The following SLC44A5 variants were observed in gnomAD, a reference collection of about 807,000 sequenced individuals.
SLC44A5 encodes solute carrier family 44 member 5, also known as choline transporter-like protein 5.
SLC44A5 carries 57 observed loss-of-function variants against 101.8 expected under a neutral mutation model. That is an observed-to-expected ratio of 0.56 (90% CI 0.45 to 0.70). The LOEUF (loss-of-function observed/expected upper bound fraction) is 0.70, where lower values mean the gene tolerates loss of function less well. Ranked by LOEUF, SLC44A5 falls within the 30% of genes least tolerant of loss-of-function variation. The probability of loss-of-function intolerance (pLI) is 0.00; values close to 1 mark genes in which losing one functional copy is unlikely to be tolerated. For missense variants in SLC44A5, 737 were observed against 853.1 expected (o/e 0.86, Z 1.70); for synonymous variants, 281 against 290.9 (o/e 0.97, Z 0.35).
At chr1:75,523,675 G>A (rs1476019137) in intron 2 of SLC44A5, among the ~76,000 whole-genome samples, 1 of 152,200 alleles carries the variant, frequency 6.6e-6, no homozygotes, top group African/African-American at 2.4e-5. Context: ...AGCTAGATGT[G>A]AAGGATGTTG....
At position 75,218,990 on chromosome 1, in the gene SLC44A5, G is replaced by GTGT. The variant is rs1647020340; in HGVS notation, c.1267-241_1267-239dup. Among the ~76,000 whole-genome samples the GTGT allele has an allele frequency of 3.3e-5, 5 of 152,180 alleles. No individual in the cohort carries two copies. In the East Asian group the frequency reaches 5.8e-4, roughly 18 times the overall value. ...ACCCACTATAATTTCACATTTATCAGTGTTGTTGTTGACCATACCTACTTT... is the reference window on the plus strand; with the variant it reads ...ACCCACTATAATTTCACATTTATCAGTGTTGTTGTTGTTGACCATACCTACTTT... On this transcript the variant is annotated intron_variant, in intron 16 of 23. Transcript: ENST00000370859.
intron 1 of SLC44A5, among the ~76,000 whole-genome samples, chr1:75,568,499 T>A (rs909856960): frequency 2.0e-5 from 3 of 152,184 alleles, no homozygotes; most frequent in Non-Finnish European, 4.4e-5. Flanking sequence ...CAGGCCTTTT[T>A]TTCTTTCTTA....
intron 11 of SLC44A5, among the ~76,000 whole-genome samples, chr1:75,236,632 C>T (rs1648109319): frequency 6.6e-6 from 1 of 152,014 alleles, no homozygotes; most frequent in Non-Finnish European, 1.5e-5. Context: ...GAGAAACAAT[C>T]CTGCCTCCAC....
the SLC44A5 span, among the ~76,000 whole-genome samples, chr1:75,675,769 C>T: frequency 2.2e-4 from 34 of 152,112 alleles, no homozygotes; most frequent in African/African-American, 8.0e-4. Context: ...GAACAGACAA[C>T]CTATAGAATG....
intron 5 of SLC44A5, among the ~76,000 whole-genome samples, chr1:75,282,845 G>C (rs1314539298): frequency 6.6e-6 from 1 of 152,144 alleles, no homozygotes; most frequent in East Asian, 1.9e-4. Context: ...ATGCTGAACT[G>C]TGAGTTAATT....
chr1:75,663,982 T>C, the SLC44A5 span, among the ~76,000 whole-genome samples: 76 of 152,180 alleles, frequency 5.0e-4, no homozygotes, highest in African/African-American at 1.7e-3. Flanking sequence ...GGTTCATTCC[T>C]GGGATGCAAG....
intron 5 of SLC44A5, among the ~76,000 whole-genome samples, chr1:75,291,873 G>A (rs569894867): frequency 1.2e-4 from 18 of 152,088 alleles, no homozygotes; most frequent in South Asian, 8.3e-4. Context: ...TTAGCCAGGC[G>A]TGGTGGCGGG....
At chr1:75,709,007 T>A in the SLC44A5 span, among the ~76,000 whole-genome samples, 1 of 152,208 alleles carries the variant, frequency 6.6e-6, no homozygotes, top group South Asian at 2.1e-4. Context: ...TTAGCTATTT[T>A]GGCTATGTTA....
At chr1:75,640,558 T>C in the SLC44A5 span, among the ~76,000 whole-genome samples, 1 of 152,102 alleles carries the variant, frequency 6.6e-6, no homozygotes, top group South Asian at 2.1e-4. Flanking sequence ...GGTAGTTCTT[T>C]CTGTACCTGT....
At chr1:75,308,059 T>A (rs890191967) in intron 4 of SLC44A5, among the ~76,000 whole-genome samples, 3 of 152,182 alleles carry the variant, frequency 2.0e-5, no homozygotes, top group African/African-American at 7.2e-5. Context: ...CATCCAACCA[T>A]TGAGAAAGAA....
chr1:75,261,848 A>G (rs994421884), intron 6 of SLC44A5, among the ~76,000 whole-genome samples: 7 of 151,872 alleles, frequency 4.6e-5, no homozygotes, highest in African/African-American at 1.7e-4. Context: ...CAGGGATGCA[A>G]AACAATAAAT....
intron 1 of SLC44A5, among the ~76,000 whole-genome samples, chr1:75,554,070 A>T (rs1390687055): frequency 2.0e-5 from 3 of 152,208 alleles, no homozygotes; most frequent in Non-Finnish European, 4.4e-5. Context: ...AGCATTTGAT[A>T]AAAGTGTATG....
chr1:75,243,720 T>C (rs1409423110), intron 7 of SLC44A5, among the ~76,000 whole-genome samples: 1 of 152,038 alleles, frequency 6.6e-6, no homozygotes, highest in African/African-American at 2.4e-5. Context: ...TGGTATAGTT[T>C]GGTTATTTGT....
intron 2 of SLC44A5, among the ~76,000 whole-genome samples, chr1:75,516,222 T>TTA (rs1669821285): frequency 1.3e-5 from 2 of 152,112 alleles, no homozygotes; most frequent in African/African-American, 4.8e-5. Flanking sequence ...TTCCCATAGA[T>TTA]AATAAACACA....
intron 2 of SLC44A5, among the ~76,000 whole-genome samples, chr1:75,444,776 T>C (rs948200501): frequency 6.6e-5 from 10 of 152,048 alleles, no homozygotes; most frequent in African/African-American, 1.7e-4. Flanking sequence ...GCAGTCCACT[T>C]GTTTTAGCAG....
chr1:75,270,585 G>T (rs778868626), intron 6 of SLC44A5, among the ~76,000 whole-genome samples: 1 of 152,022 alleles, frequency 6.6e-6, no homozygotes, highest in African/African-American at 2.4e-5. Flanking sequence ...AGAAATATTG[G>T]AGAATGTTAT....
chr1:75,420,479 AT>A (rs1283457299), intron 2 of SLC44A5, among the ~76,000 whole-genome samples: 2 of 152,194 alleles, frequency 1.3e-5, no homozygotes, highest in Non-Finnish European at 1.5e-5. Flanking sequence ...TGATAATTAG[AT>A]TAAAAGTAAA....
At chr1:75,596,231 G>A (rs890740880) in intron 1 of SLC44A5, among the ~76,000 whole-genome samples, 1 of 147,318 alleles carries the variant, frequency 6.8e-6, no homozygotes, top group Non-Finnish European at 1.5e-5. Context: ...CACACACAAT[G>A]TAATGTTCAC....
At position 75,211,560 on chromosome 1, in the gene SLC44A5, TGGATGAAGAAGAGAACCAACATG is replaced by T; in HGVS notation, c.1963-31_1963-9del. 6.3e-7 allele frequency: 1 copy of T among 1,598,676 alleles called. No homozygotes were observed. Among genetic ancestry groups the T allele is most frequent in the Non-Finnish European group, 8.6e-7 (1 of 1,166,828 alleles). Reference sequence around the variant, plus strand: ...AGACCCAAAAATGACTGTCTGTAAATGGATGAAGAAGAGAACCAACATGTCATTTACTTTGACCAGAAGAAGAA... The same window carrying T: ...AGACCCAAAAATGACTGTCTGTAAATTCATTTACTTTGACCAGAAGAAGAA... On this transcript the variant is annotated splice_polypyrimidine_tract_variant and intron_variant, in intron 22 of 23. Transcript: ENST00000370859.
Sources: allele counts gnomAD v4.1 joint callset (sites outside exome capture counted in the v4.1 genomes callset), GRCh38; gene constraint gnomAD v4.1.1; transcripts MANE v1.5; gene names NCBI Gene and HGNC (gene_info 2026-07-23, HGNC 2026-07-21).